The following PRDM15 variants were observed in gnomAD, a reference collection of about 807,000 sequenced individuals.
The protein encoded by PRDM15 is PR/SET domain 15, also known as PR domain zinc finger protein 15.
Under a neutral mutation model 128.6 loss-of-function variants are expected in PRDM15, and 64 were observed. That is an observed-to-expected ratio of 0.50 (90% CI 0.41 to 0.61). The LOEUF is 0.61. PRDM15 is among the 20% of genes least tolerant of loss of function. The pLI is 0.00. For synonymous variants in PRDM15, 615 were observed against 621.8 expected, an observed-to-expected ratio of 0.99 and a Z score of 0.16; for missense variants, 1,242 against 1,569.1, an observed-to-expected ratio of 0.79 and a Z score of 3.52.
intron 18 of PRDM15, 118 bp downstream of exon 18, chr21:41,819,464 C>T: frequency 1.4e-6 from 1 of 709,998 alleles, no homozygotes. Flanking sequence ...GCCCCGGCCC[C>T]CGCCCCCGCC....
intron 6 of PRDM15, among the ~76,000 whole-genome samples, chr21:41,846,825 A>G (rs1294464361): frequency 6.6e-6 from 1 of 152,216 alleles, no homozygotes. Context: ...CCAGTGCTCC[A>G]GAGTCAAGGC....
Position 41,824,776 on chromosome 21 carries a change from C to T in PRDM15, c.1629+1184G>A, listed in dbSNP as rs567099672. Among the ~76,000 whole-genome samples the T allele has an allele frequency of 1.2e-4, 19 of 152,386 alleles. 1 individual carries two copies. In the East Asian group the frequency reaches 3.7e-3, roughly 29 times the overall value. On this transcript the variant is annotated intron_variant, in intron 13 of 23. Transcript: ENST00000398548. The stretch of plus-strand genomic sequence containing the variant: ...CACCTGGACCCCCAGCCACACCTCC[C>T]TGCTCACTCATTTGCTCAGGCTTGC...
rs1224077171 is a variant in PRDM15, at chr21:41,879,068, G to A, written c.-10+202C>T. 8.8e-6 allele frequency: 10 copies of A among 1,132,960 alleles called. No homozygotes were observed. The highest frequency in any genetic ancestry group is 1.1e-5 in the Non-Finnish European group (10 of 898,612). 70.2% of individuals were successfully genotyped at this position (1,132,960 alleles called of 1,614,324 possible). ...ATCCAGCCGGGTTTTGACTCCGATC[G>A]CCAACGGTGCCCGCAGCCGGCGAAT... is the stretch of plus-strand genomic sequence containing the variant. On this transcript the variant is annotated intron_variant, in intron 1 of 23. Transcript: ENST00000398548. This position sits in a 1 kb window ranked among gnomAD's most constrained non-coding sequence, Gnocchi z 5.1.
At chr21:41,833,464 G>A (rs183302669) in intron 11 of PRDM15, among the ~76,000 whole-genome samples, 5 of 152,332 alleles carry the variant, frequency 3.3e-5, no homozygotes, top group East Asian at 1.9e-4. Context: ...TGGGGAAGGC[G>A]TGACTCCCAC....
chr21:41,835,588 C>T lies in PRDM15; in HGVS notation c.1279-64G>A, dbSNP rs184978281. 5.7e-4 allele frequency: 790 copies of T among 1,389,842 alleles called. 3 individuals carry two copies. Among genetic ancestry groups the T allele is most frequent in the East Asian group, 2.6e-3 (110 of 42,866 alleles). 86.1% of individuals were successfully genotyped at this position (1,389,842 alleles called of 1,614,324 possible). ...GCAGAGTCCACAGATGCCGAGCCCCCGACGTGCTGCCCGGGCGACTCCACG... is the reference window on the plus strand; with the variant it reads ...GCAGAGTCCACAGATGCCGAGCCCCTGACGTGCTGCCCGGGCGACTCCACG... On this transcript the variant is annotated intron_variant, in intron 10 of 23. Transcript: ENST00000398548.
At chr21:41,860,891 A>G (rs963846797) in intron 1 of PRDM15, among the ~76,000 whole-genome samples, 1 of 152,242 alleles carries the variant, frequency 6.6e-6, no homozygotes, top group Admixed American at 6.5e-5. Context: ...ATTTTTAATG[A>G]AAGCAATGGA....
Position 41,854,587 on chromosome 21 carries a change from G to A in PRDM15, c.517C>T (p.Gln173Ter). 6.2e-7 allele frequency: 1 copy of A among 1,613,490 alleles called. No homozygotes were observed. Among genetic ancestry groups the A allele is most frequent in the Non-Finnish European group, 8.5e-7 (1 of 1,179,978 alleles). The change falls in exon 5 of 24, where the codon CAG (glutamine) becomes TAG (stop). Residue 173 changes from glutamine (Q) to a stop codon, truncating the protein, a stop_gained. Coordinates refer to ENST00000398548, the MANE Select transcript of PRDM15 (RefSeq NM_001040424.3). LOFTEE classifies it high-confidence loss of function. The surrounding 1 kb of genome is among the most constrained non-coding windows in gnomAD (Gnocchi z 4.6). ...ATACCGTGGACGCCAGAGCCGGCCT[G>A]CTTCAGCATGGGCTTGTCCATCTTC... ...AKKMDKPMLK[Q>*]AGSGVHAAGT... is the part of the protein sequence containing the mutation.
At chr21:41,820,224 G>T in intron 16 of PRDM15, 50 bp from the exon 17 acceptor site, 2 of 1,430,230 alleles carry the variant, frequency 1.4e-6, no homozygotes, top group South Asian at 1.2e-5. Flanking sequence ...GGGGCTCCAC[G>T]GCAGCGAGGG....
chr21:41,872,745 G>T (rs935786142), intron 1 of PRDM15, among the ~76,000 whole-genome samples: 1 of 152,206 alleles, frequency 6.6e-6, no homozygotes, highest in African/African-American at 2.4e-5. Flanking sequence ...TCGGGGGATG[G>T]TGAGGGCCAA....
intron 17 of PRDM15, 171 bp downstream of exon 17, chr21:41,819,924 G>A: frequency 2.6e-6 from 2 of 767,554 alleles, no homozygotes; most frequent in Non-Finnish European, 4.2e-6. Context: ...GGGGCGCTGG[G>A]CTGTGAGTGG....
chr21:41,818,920 C>T (rs1300799282), intron 18 of PRDM15, among the ~76,000 whole-genome samples: 1 of 152,100 alleles, frequency 6.6e-6, no homozygotes, highest in African/African-American at 2.4e-5. Flanking sequence ...ATTCCTCGGC[C>T]GTGGTGAGTT....
chr21:41,820,079 G>A lies in PRDM15; in HGVS notation c.2140+16C>T, dbSNP rs1217232976. ...TCCAGCGAGGGCCGGGACCCCAAAT[G>A]CTGACAGACACGCACCTGTGTGGAT... is the stretch of plus-strand genomic sequence containing the variant. On this transcript the variant is annotated intron_variant, in intron 17 of 23. Transcript: ENST00000398548. 7 of 1,611,644 alleles carry A rather than the reference G, an allele frequency of 4.3e-6. No homozygotes were observed. Among genetic ancestry groups the A allele is most frequent in the Non-Finnish European group, 5.9e-6 (7 of 1,178,176 alleles).
chr21:41,807,194 G>C (rs2061707808), intron 21 of PRDM15, among the ~76,000 whole-genome samples: 1 of 152,160 alleles, frequency 6.6e-6, no homozygotes, highest in Non-Finnish European at 1.5e-5. Flanking sequence ...TAGGATATAA[G>C]AAAAAAGTGA....
intron 1 of PRDM15, chr21:41,871,386 G>T: frequency 1.1e-6 from 1 of 916,334 alleles, no homozygotes; most frequent in Non-Finnish European, 1.5e-6. Context: ...TCTGCCTGGG[G>T]TCACCCTCTC....
intron 6 of PRDM15, among the ~76,000 whole-genome samples, chr21:41,846,191 T>A (rs1045993221): frequency 6.6e-6 from 1 of 152,202 alleles, no homozygotes; most frequent in Non-Finnish European, 1.5e-5. Context: ...TCTGAGCACG[T>A]TCCACATGTG....
At chr21:41,806,003 C>CCAT (rs1405630753) in intron 21 of PRDM15, among the ~76,000 whole-genome samples, 1 of 92,320 alleles carries the variant, frequency 1.1e-5, no homozygotes, top group East Asian at 3.6e-4. Context: ...ACCACCACCA[C>CCAT]CATCACCACC....
Position 41,828,200 on chromosome 21 carries a change from G to A in PRDM15, c.1500C>T (p.Asp500=), listed in dbSNP as rs148787918. 1.9e-5 allele frequency: 31 copies of A among 1,614,014 alleles called. No individual in the cohort carries two copies. The highest frequency in any genetic ancestry group is 6.7e-5 in the African/African-American group (5 of 74,988). Reference sequence around the variant, plus strand: ...GCCGGCGCTGGTGGTCCAGCATGACGTCCTTGCGGTAGAACATCTTGCTGC... The same window carrying A: ...GCCGGCGCTGGTGGTCCAGCATGACATCCTTGCGGTAGAACATCTTGCTGC... ...EVCSKMFYRK[D]VMLDHQRRHL... The change falls in exon 12 of 24, where the codon GAC becomes GAT. Residue 500 remains aspartate (D), a synonymous_variant. Coordinates refer to ENST00000398548, the MANE Select transcript of PRDM15 (RefSeq NM_001040424.3). The surrounding 1 kb of genome is among the most constrained non-coding windows in gnomAD (Gnocchi z 5.7).
In PRDM15 at chr21:41,810,921, CAGGCACTGT is replaced by C. The variant is rs1473216602; in HGVS notation, c.2393-94_2393-86del. ...GGCATGTCTTCTCCCTGACACGTTCCAGGCACTGTAGGGCCTTCAGGAGAAGGTGAATTG... is the reference window on the plus strand; with the variant it reads ...GGCATGTCTTCTCCCTGACACGTTCCAGGGCCTTCAGGAGAAGGTGAATTG... On this transcript the variant is annotated intron_variant, in intron 19 of 23. Coordinates refer to ENST00000398548, the MANE Select transcript of PRDM15 (RefSeq NM_001040424.3). The surrounding 1 kb of genome is among the most constrained non-coding windows in gnomAD (Gnocchi z 6.4). 3.2e-6 allele frequency: 4 copies of C among 1,247,834 alleles called. No homozygotes were observed. In the Admixed American group the frequency reaches 6.9e-5, roughly 22 times the overall value. The allele number at this position is 1,247,834 out of a possible 1,614,324, so 77.3% of individuals were successfully genotyped here. A position where few individuals can be genotyped will look rare whatever the true frequency, so the allele number is the denominator to read the frequency against.
rs755429203 is a variant in PRDM15, at chr21:41,815,756, G to A, written c.2341C>T (p.Arg781Cys). 6 of 1,613,952 alleles carry A rather than the reference G, an allele frequency of 3.7e-6. No homozygotes were observed. Among genetic ancestry groups the A allele is most frequent in the African/African-American group, 1.3e-5 (1 of 74,940 alleles). Residue 781 changes from arginine (R) to cysteine (C), a missense_variant, in exon 19 of 24, where the codon CGC becomes TGC. By Grantham distance (180) the Arg-to-Cys change is radical (BLOSUM62 -3). This residue lies in a region of PRDM15 where 602 missense variants were observed against 788.3 expected (regional missense o/e 0.76). Transcript: ENST00000398548. Reference sequence around the variant, plus strand: ...ATGTTGACCTTCTGCGCGAACCTGCGGTGGCACTCCTTGCACTCGTACTCC... The same window carrying A: ...ATGTTGACCTTCTGCGCGAACCTGCAGTGGCACTCCTTGCACTCGTACTCC... ...IKEYECKECH[R>C]RFAQKVNMLK...
Sources: gnomAD v4.1 joint callset for allele counts (sites outside exome capture counted in the v4.1 genomes callset) on GRCh38, gnomAD v4.1.1 for gene constraint, gnomAD v4.1.1 regional missense constraint, Gnocchi (gnomAD v3.1) non-coding constraint, MANE v1.5 for transcripts, NCBI Gene and HGNC (gene_info 2026-07-23, HGNC 2026-07-21) for gene names.